ROBO1: variants seen among roughly 807,000 people sequenced by gnomAD.
ROBO1 encodes the protein roundabout guidance receptor 1.
A neutral mutation model predicts 195.9 loss-of-function variants in ROBO1; 149 were observed. That is an observed-to-expected ratio of 0.76 (90% CI 0.67 to 0.87). The LOEUF is 0.87. Among genes scored for constraint, ROBO1 ranks in the 40% least tolerant of loss-of-function variants. ROBO1 has a pLI of 0.00. For missense variants in ROBO1, 1,933 were observed against 2,068.3 expected (o/e 0.93, Z 1.27); for synonymous variants, 816 against 733.2 (o/e 1.11, Z -1.82).
chr3:79,762,117 T>C (rs1467527298), intron 1 of ROBO1, among the ~76,000 whole-genome samples: 1 of 152,208 alleles, frequency 6.6e-6, no homozygotes, highest in Non-Finnish European at 1.5e-5. Flanking sequence ...AATAGGTGCC[T>C]TGTAAACAAT....
At chr3:78,881,342 C>G (rs1442938484) in intron 4 of ROBO1, among the ~76,000 whole-genome samples, 1 of 152,132 alleles carries the variant, frequency 6.6e-6, no homozygotes, top group Non-Finnish European at 1.5e-5. Flanking sequence ...ACCTCATAGA[C>G]TGCGCTTTTC....
At chr3:79,487,298 T>A (rs1276705093) in intron 2 of ROBO1, among the ~76,000 whole-genome samples, 1 of 151,956 alleles carries the variant, frequency 6.6e-6, no homozygotes, top group Non-Finnish European at 1.5e-5. Flanking sequence ...TCTTTCCCTG[T>A]AAAGCATGTG....
At chr3:79,530,562 C>G (rs948013841) in intron 2 of ROBO1, among the ~76,000 whole-genome samples, 1 of 152,024 alleles carries the variant, frequency 6.6e-6, no homozygotes, top group African/African-American at 2.4e-5. Flanking sequence ...CAACCATAAC[C>G]AAGTCTGCTC....
intron 2 of ROBO1, among the ~76,000 whole-genome samples, chr3:79,295,567 G>T (rs1426452268): frequency 6.6e-6 from 1 of 151,988 alleles, no homozygotes; most frequent in Admixed American, 6.6e-5. Context: ...TGCACATTCT[G>T]CACACGTATC....
chr3:79,244,654 G>A (rs961068594), intron 2 of ROBO1, among the ~76,000 whole-genome samples: 1 of 152,014 alleles, frequency 6.6e-6, no homozygotes, highest in Non-Finnish European at 1.5e-5. Flanking sequence ...TAGGAGACAG[G>A]CATGTTTAGA....
At chr3:79,728,903 A>C (rs548003146) in intron 1 of ROBO1, among the ~76,000 whole-genome samples, 61 of 152,308 alleles carry the variant, frequency 4.0e-4, no homozygotes, top group African/African-American at 1.3e-3. Flanking sequence ...TAGACTATAT[A>C]AAGAATAACA....
intron 1 of ROBO1, among the ~76,000 whole-genome samples, chr3:79,706,539 T>C (rs1947774747): frequency 6.6e-6 from 1 of 152,088 alleles, no homozygotes; most frequent in Non-Finnish European, 1.5e-5. Flanking sequence ...CACCCAAATC[T>C]CATCTTGATC....
chr3:78,909,445 C>T (rs975694241), intron 4 of ROBO1, among the ~76,000 whole-genome samples: 4 of 151,566 alleles, frequency 2.6e-5, no homozygotes, highest in African/African-American at 7.3e-5. Context: ...AGAGTCTTGC[C>T]CAAGAGTTGC....
At chr3:79,559,739 A>T (rs1942838440) in intron 2 of ROBO1, among the ~76,000 whole-genome samples, 1 of 152,076 alleles carries the variant, frequency 6.6e-6, no homozygotes, top group Non-Finnish European at 1.5e-5. Context: ...TAACATGGTG[A>T]AACCCCGTCT....
At chr3:79,716,094 T>C (rs999216745) in intron 1 of ROBO1, among the ~76,000 whole-genome samples, 2 of 152,056 alleles carry the variant, frequency 1.3e-5, no homozygotes, top group Non-Finnish European at 2.9e-5. Flanking sequence ...ATGAATGGTG[T>C]AGAAAAGCTG....
At chr3:79,419,371 G>C (rs1356278857) in intron 2 of ROBO1, among the ~76,000 whole-genome samples, 1 of 152,094 alleles carries the variant, frequency 6.6e-6, no homozygotes, top group Non-Finnish European at 1.5e-5. Context: ...CCTTGAGTAT[G>C]ACATAGTCCA....
chr3:79,334,395 A>T (rs2034581781), intron 2 of ROBO1, among the ~76,000 whole-genome samples: 1 of 148,166 alleles, frequency 6.7e-6, no homozygotes, highest in African/African-American at 2.5e-5. Flanking sequence ...ACACATTTCC[A>T]TCTAATATAT....
intron 27 of ROBO1, 87 bp from the exon 28 acceptor site, chr3:78,614,887 C>T: frequency 7.8e-7 from 1 of 1,288,560 alleles, no homozygotes; most frequent in South Asian, 1.6e-5. Flanking sequence ...ACATTAAAAC[C>T]AGAAACAGCT....
Position 78,936,848 on chromosome 3 carries a change from T to C in ROBO1, c.499+1753A>G, listed in dbSNP as rs569623267. ...TTATTTTGCATGGGCTACATTCAAA[T>C]TGGCCTTAAAAAATAAAAAAAGCAA... On this transcript the variant is annotated intron_variant, in intron 4 of 30. Coordinates refer to ENST00000464233, the MANE Select transcript of ROBO1 (RefSeq NM_002941.4). Among the ~76,000 whole-genome samples the C allele has an allele frequency of 2.0e-5, 3 of 152,094 alleles. No homozygotes were observed. In the East Asian group the frequency reaches 5.8e-4, roughly 29 times the overall value.
chr3:78,801,763 C>T (rs1192460341), intron 4 of ROBO1, among the ~76,000 whole-genome samples: 1 of 151,990 alleles, frequency 6.6e-6, no homozygotes, highest in Non-Finnish European at 1.5e-5. Context: ...AATAGTAATA[C>T]AACTCATTTG....
chr3:79,313,556 C>A (rs188092019), intron 2 of ROBO1, among the ~76,000 whole-genome samples: 1 of 152,050 alleles, frequency 6.6e-6, no homozygotes, highest in African/African-American at 2.4e-5. Context: ...CTGTCAGATT[C>A]GAGTACTTCT....
chr3:79,127,759 A>G (rs954124394), intron 2 of ROBO1, among the ~76,000 whole-genome samples: 1 of 152,182 alleles, frequency 6.6e-6, no homozygotes, highest in African/African-American at 2.4e-5. Context: ...AATCATATAA[A>G]ACAGATTTCC....
intron 2 of ROBO1, among the ~76,000 whole-genome samples, chr3:79,330,076 A>C (rs936051591): frequency 6.6e-6 from 1 of 151,874 alleles, no homozygotes; most frequent in Non-Finnish European, 1.5e-5. Context: ...AAAATTAGTA[A>C]TTTAAAAGGG....
chr3:78,673,167 A>G (rs1046510264), intron 10 of ROBO1, among the ~76,000 whole-genome samples: 3 of 152,054 alleles, frequency 2.0e-5, no homozygotes, highest in Non-Finnish European at 4.4e-5. Context: ...TAAGTTGGGT[A>G]CACATCTTCA....
Sources: gnomAD v4.1 joint callset for allele counts (sites outside exome capture counted in the v4.1 genomes callset) on GRCh38, gnomAD v4.1.1 for gene constraint, MANE v1.5 for transcripts, NCBI Gene and HGNC (gene_info 2026-07-23, HGNC 2026-07-21) for gene names.